C2orf81: variants seen among roughly 807,000 people sequenced by gnomAD.
The protein encoded by C2orf81 is chromosome 2 open reading frame 81.
A neutral mutation model predicts 7.9 loss-of-function variants in C2orf81; 5 were observed. That is an observed-to-expected ratio of 0.63 (90% CI 0.33 to 1.33). The LOEUF (loss-of-function observed/expected upper bound fraction) is 1.33. Among genes scored for constraint, C2orf81 ranks in the 40% most tolerant of loss-of-function variants. The pLI is 0.05. For synonymous variants in C2orf81, 346 were observed against 367.4 expected (o/e 0.94, Z 0.66); for missense variants, 781 against 830.4 (o/e 0.94, Z 0.73).
chr2:74,415,781 G>A lies in C2orf81; in HGVS notation c.396C>T (p.Asp132=). ...CGGGCACTGAACCCTGAGCCCAGGA[G>A]TCCGTCGTGCATGCCGAAGGCTCCT... ...EDEEPSACTT[D]SWAQGSVPVL... is the part of the protein sequence containing the mutation. Residue 132 remains aspartate (D), a synonymous_variant, in exon 3 of 3, where the codon GAC becomes GAT. Transcript: ENST00000684111. The surrounding 1 kb of genome is among the most constrained non-coding windows in gnomAD (Gnocchi z 5.5). 1.3e-6 allele frequency: 2 copies of A among 1,551,632 alleles called. No homozygotes were observed. Among genetic ancestry groups the A allele is most frequent in the Non-Finnish European group, 1.7e-6 (2 of 1,147,018 alleles).
Position 74,415,466 on chromosome 2 carries a change from T to G in C2orf81, c.711A>C (p.Gly237=), listed in dbSNP as rs1287994991. ...TSELFQEAGP[G]GPVEEADGQS... is the part of the protein sequence containing the mutation. ...GGCCGTCCGCTTCCTCTACAGGACC[T>G]CCGGGCCCTGCCTCCTGAAACAGCT... The change falls in exon 3 of 3, where the codon GGA becomes GGC. Residue 237 remains glycine (G), a synonymous_variant. Coordinates refer to ENST00000684111, the MANE Select transcript of C2orf81 (RefSeq NM_001316764.3). This position sits in a 1 kb window ranked among gnomAD's most constrained non-coding sequence, Gnocchi z 5.5. The G allele has an allele frequency of 2.6e-6, 4 of 1,536,952 alleles. No homozygotes were observed. In the Admixed American group the frequency reaches 7.9e-5, roughly 30 times the overall value.
rs769747216 is a variant in C2orf81 at position 74,416,194 on chromosome 2, C to G, written c.66G>C (p.Ala22=). 15 of 1,438,052 alleles carry G rather than the reference C, an allele frequency of 1.0e-5. No individual in the cohort carries two copies. The East Asian group carries it at 4.9e-4, about 47-fold the overall frequency. 89.1% of individuals were successfully genotyped at this position (1,438,052 alleles called of 1,614,324 possible). A position where few individuals can be genotyped will look rare whatever the true frequency, so the allele number is the denominator to read the frequency against. ...VRDRGVTRSK[A]EKVRPPTVPV... is the part of the protein sequence containing the mutation. ...GCACAGTGGGCGGCCGCACTTTTTC[C>G]GCCTTGGACCGGGTCACCCCGCGGT... The change falls in exon 2 of 3, where the codon GCG becomes GCC. Residue 22 remains alanine (A), a synonymous_variant. Transcript: ENST00000684111.
chr2:74,417,657 C>G (rs1188195232), intron 1 of C2orf81: 8 of 754,956 alleles, frequency 1.1e-5, no homozygotes, highest in Non-Finnish European at 1.5e-5. Flanking sequence ...GCTGCCAGGA[C>G]AGTGGAGTGG....
intron 1 of C2orf81, chr2:74,417,691 G>T (rs1573214482): frequency 1.6e-6 from 1 of 611,564 alleles, no homozygotes; most frequent in Non-Finnish European, 2.5e-6. Flanking sequence ...GGGGGCTTGG[G>T]CCCCTTTTAA....
rs569182535 is a variant in C2orf81, at chr2:74,414,894, C to T, written c.1283G>A (p.Arg428His). 6.5e-7 allele frequency: 1 copy of T among 1,545,302 alleles called. No homozygotes were observed. The highest frequency in any genetic ancestry group is 1.4e-5 in the African/African-American group (1 of 73,072). ...AEPQALGPGT[R>H]VSPAAFFPLR... The stretch of plus-strand genomic sequence containing the variant: ...AGGGAAGAACGCTGCCGGGGAGACA[C>T]GGGTGCCGGGGCCGAGGGCTTGGGG... Residue 428 changes from arginine to histidine, a missense_variant, in exon 3 of 3, where the codon CGT becomes CAT. By Grantham distance (29) the Arg-to-His change is conservative (BLOSUM62 0). Coordinates refer to ENST00000684111, the MANE Select transcript of C2orf81 (RefSeq NM_001316764.3). The surrounding 1 kb of genome is among the most constrained non-coding windows in gnomAD (Gnocchi z 5.3).
In C2orf81 at chr2:74,416,038, A is replaced by G. The variant is rs761320214; in HGVS notation, c.222T>C (p.Ser74=). The G allele has an allele frequency of 1.7e-5, 27 of 1,550,028 alleles. 1 individual carries two copies. The South Asian group carries it at 3.0e-4, about 17-fold the overall frequency. ...LADLLARVMD[S]AFKVYLTQQC... ...GCTGAGTCAGGTAGACTTTGAAAGC[A>G]GAGTCCATGACTCGAGCCAGCAAGT... Residue 74 remains serine, a synonymous_variant, in exon 2 of 3, where the codon TCT becomes TCC. Coordinates refer to ENST00000684111, the MANE Select transcript of C2orf81 (RefSeq NM_001316764.3).
chr2:74,420,772 C>CTTCT (rs1447897460), intron 1 of C2orf81, among the ~76,000 whole-genome samples: 5 of 72,678 alleles, frequency 6.9e-5, no homozygotes, highest in East Asian at 5.2e-4. Flanking sequence ...TCTTCTTCTT[C>CTTCT]TTTTTTTTTT....
intron 1 of C2orf81, among the ~76,000 whole-genome samples, chr2:74,421,137 A>T (rs1026910925): frequency 6.6e-6 from 1 of 152,196 alleles, no homozygotes; most frequent in Non-Finnish European, 1.5e-5. Flanking sequence ...TTTCAAGTGC[A>T]GTCTCTGAAT....
intron 1 of C2orf81, among the ~76,000 whole-genome samples, chr2:74,417,894 C>CG (rs1394954377): frequency 1.2e-5 from 1 of 84,278 alleles, no homozygotes; most frequent in African/African-American, 4.5e-5. Context: ...AGTGGGTGGA[C>CG]GGGGGGAGGA....
intron 1 of C2orf81, chr2:74,418,149 G>A (rs1676515759): frequency 1.1e-6 from 1 of 931,242 alleles, no homozygotes. Flanking sequence ...ACTCCTGCGA[G>A]ATGCCCTTCT....
At chr2:74,417,315 C>A (rs1216403533) in intron 1 of C2orf81, 7 of 1,276,000 alleles carry the variant, frequency 5.5e-6, no homozygotes, top group Admixed American at 4.8e-5. Flanking sequence ...GTGGTAGAAG[C>A]AAAGTAGGGT....
chr2:74,416,205 G>C lies in C2orf81; in HGVS notation c.55C>G (p.Arg19Gly). 4 of 1,419,664 alleles carry C rather than the reference G, an allele frequency of 2.8e-6. No homozygotes were observed. The South Asian group carries it at 4.9e-5, about 17-fold the overall frequency. 87.9% of individuals were successfully genotyped at this position (1,419,664 alleles called of 1,614,324 possible). A position where few individuals can be genotyped will look rare whatever the true frequency, so the allele number is the denominator to read the frequency against. Reference sequence around the variant, plus strand: ...GGCCGCACTTTTTCCGCCTTGGACCGGGTCACCCCGCGGTCTCGGACCTGC... The same window carrying C: ...GGCCGCACTTTTTCCGCCTTGGACCCGGTCACCCCGCGGTCTCGGACCTGC... ...ERQVRDRGVT[R>G]SKAEKVRPPT... The change falls in exon 2 of 3, where the codon CGG becomes GGG. Residue 19 changes from arginine (R) to glycine (G), a missense_variant. Physicochemically the swap from Arg to Gly is moderately radical, Grantham distance 125 (BLOSUM62 -2). Transcript: ENST00000684111.
intron 1 of C2orf81, chr2:74,418,539 G>A (rs1292769151): frequency 6.2e-6 from 5 of 810,428 alleles, no homozygotes; most frequent in Admixed American, 2.0e-5. Context: ...CGGGAGCAGC[G>A]GTGCTGGGCG....
intron 1 of C2orf81, among the ~76,000 whole-genome samples, chr2:74,421,062 A>G (rs1472558125): frequency 6.6e-6 from 1 of 152,124 alleles, no homozygotes; most frequent in Non-Finnish European, 1.5e-5. Flanking sequence ...GATTACAGGC[A>G]TGAGCCATTG....
At chr2:74,418,035 G>A (rs949591976) in intron 1 of C2orf81, 19 of 513,410 alleles carry the variant, frequency 3.7e-5, no homozygotes, top group South Asian at 5.4e-5. Context: ...GGCTGGAGGC[G>A]GTGGTGATGG....
chr2:74,420,376 C>T (rs964387836), intron 1 of C2orf81, among the ~76,000 whole-genome samples: 6 of 152,188 alleles, frequency 3.9e-5, no homozygotes, highest in Admixed American at 3.3e-4. Flanking sequence ...CAATTCCCCA[C>T]AACAGTCTCC....
At chr2:74,419,643 C>T (rs1676547573) in intron 1 of C2orf81, among the ~76,000 whole-genome samples, 1 of 152,132 alleles carries the variant, frequency 6.6e-6, no homozygotes, top group African/African-American at 2.4e-5. Flanking sequence ...AATATATTCT[C>T]CAACAAATTC....
At position 74,418,436 on chromosome 2, in the gene C2orf81, C is replaced by A. The variant is rs761940543; in HGVS notation, c.19-2195G>T. 19 of 1,553,626 alleles carry A rather than the reference C, an allele frequency of 1.2e-5. No individual in the cohort carries two copies. The South Asian group carries it at 2.1e-4, about 17-fold the overall frequency. ...GGCTGGCTGGACTTCGAGCTCGACT[C>A]GCTCATCTTCCCTTCTCTAAGGACT... On this transcript the variant is annotated intron_variant, in intron 1 of 2. Coordinates refer to ENST00000684111, the MANE Select transcript of C2orf81 (RefSeq NM_001316764.3).
At position 74,414,189 on chromosome 2, in the gene C2orf81, C is replaced by T; in HGVS notation, c.*140G>A. On this transcript the variant is annotated 3_prime_UTR_variant, in exon 3 of 3. Coordinates refer to ENST00000684111, the MANE Select transcript of C2orf81 (RefSeq NM_001316764.3). The surrounding 1 kb of genome is among the most constrained non-coding windows in gnomAD (Gnocchi z 5.3). ...AGAGACATCAGACTAGTTCCTAAGGCAACTCAGGTGTTTATTTCTGGCTAG... is the reference window on the plus strand; with the variant it reads ...AGAGACATCAGACTAGTTCCTAAGGTAACTCAGGTGTTTATTTCTGGCTAG... The T allele has an allele frequency of 2.4e-6, 2 of 825,800 alleles. No homozygotes were observed. The highest frequency in any genetic ancestry group is 1.7e-6 in the Non-Finnish European group (1 of 582,940). 51.2% of individuals were successfully genotyped at this position (825,800 alleles called of 1,614,324 possible).
Sources: allele counts gnomAD v4.1 joint callset (sites outside exome capture counted in the v4.1 genomes callset), GRCh38; gene constraint gnomAD v4.1.1; non-coding constraint Gnocchi (gnomAD v3.1); transcripts MANE v1.5; gene names NCBI Gene and HGNC (gene_info 2026-07-23, HGNC 2026-07-21).